Variants in RB1 observed in about 807,000 individuals in gnomAD.
RB1 encodes the protein RB transcriptional corepressor 1, also known as retinoblastoma-associated protein.
In RB1, 18 loss-of-function variants were observed where a neutral mutation model predicts 135.4. That is an observed-to-expected ratio of 0.13 (90% CI 0.09 to 0.20). The LOEUF is 0.20. Among genes scored for constraint, RB1 ranks in the 10% least tolerant of loss-of-function variants. RB1 has a pLI of 1.00. For missense variants in RB1, 868 were observed against 1,110.0 expected (o/e 0.78, Z 3.10); for synonymous variants, 365 against 373.2 (o/e 0.98, Z 0.25).
intron 17 of RB1, among the ~76,000 whole-genome samples, chr13:48,382,315 C>T (rs897895525): frequency 6.6e-6 from 1 of 152,196 alleles, no homozygotes; most frequent in African/African-American, 2.4e-5. Flanking sequence ...GTCCCACCAA[C>T]AGTGTAAAAG....
intron 17 of RB1, among the ~76,000 whole-genome samples, chr13:48,431,254 A>T (rs1949126917): frequency 6.6e-6 from 1 of 151,922 alleles, no homozygotes; most frequent in African/African-American, 2.4e-5. Context: ...TAATATTTGT[A>T]TTTTTTTTAA....
At chr13:48,452,461 C>T (rs1024170529) in intron 17 of RB1, among the ~76,000 whole-genome samples, 1 of 151,916 alleles carries the variant, frequency 6.6e-6, no homozygotes, top group Non-Finnish European at 1.5e-5. Context: ...ACTTGGTCTA[C>T]GTTTTCCAAT....
At chr13:48,373,980 T>C (rs1339786263) in intron 12 of RB1, among the ~76,000 whole-genome samples, 1 of 152,294 alleles carries the variant, frequency 6.6e-6, no homozygotes, top group East Asian at 1.9e-4. Context: ...TTTTTGCTAA[T>C]TAAGAAGTCT....
chr13:48,393,646 T>C (rs1948627113), intron 17 of RB1, among the ~76,000 whole-genome samples: 1 of 152,190 alleles, frequency 6.6e-6, no homozygotes, highest in Non-Finnish European at 1.5e-5. Context: ...TTACAGAATA[T>C]TTAGGGTATC....
intron 17 of RB1, among the ~76,000 whole-genome samples, chr13:48,396,119 C>T (rs1948646000): frequency 6.6e-6 from 1 of 152,122 alleles, no homozygotes; most frequent in African/African-American, 2.4e-5. Flanking sequence ...CTACCTTTGG[C>T]TTTCTTCACA....
chr13:48,448,528 A>G (rs1421951337), intron 17 of RB1, among the ~76,000 whole-genome samples: 1 of 152,206 alleles, frequency 6.6e-6, no homozygotes, highest in Non-Finnish European at 1.5e-5. Flanking sequence ...AAAAGGGCTG[A>G]AAATTGTTAA....
chr13:48,407,904 A>T (rs1948753956), intron 17 of RB1, among the ~76,000 whole-genome samples: 1 of 152,152 alleles, frequency 6.6e-6, no homozygotes, highest in African/African-American at 2.4e-5. Flanking sequence ...GGCACGAAAA[A>T]AGTTTAGGTG....
At chr13:48,421,012 C>T (rs1334432026) in intron 17 of RB1, among the ~76,000 whole-genome samples, 1 of 152,104 alleles carries the variant, frequency 6.6e-6, no homozygotes, top group Non-Finnish European at 1.5e-5. Context: ...CATTGACTTC[C>T]TTTATAAAAT....
At chr13:48,317,119 A>G in intron 2 of RB1, 1 of 903,930 alleles carries the variant, frequency 1.1e-6, no homozygotes, top group Non-Finnish European at 1.5e-6. Flanking sequence ...GGGCTTCCAA[A>G]GACAGGGCTG....
rs755704180 is a variant in RB1 at position 48,307,387 on chromosome 13, C to T, written c.245C>T (p.Ser82Leu). 1 of 1,613,408 alleles carries T rather than the reference C, an allele frequency of 6.2e-7. No homozygotes were observed. The highest frequency in any genetic ancestry group is 8.5e-7 in the Non-Finnish European group (1 of 1,179,588). ...ERAWLTWEKVSSVDGVLGGYI... is the reference protein window; with the variant it reads ...ERAWLTWEKVLSVDGVLGGYI... ...GCTTGGTTAACTTGGGAGAAAGTTTCATCTGTGGATGGAGTATTGGTAAGG... is the reference window on the plus strand; with the variant it reads ...GCTTGGTTAACTTGGGAGAAAGTTTTATCTGTGGATGGAGTATTGGTAAGG... The change falls in exon 2 of 27, where the codon TCA (serine) becomes TTA (leucine). Residue 82 changes from serine (S) to leucine (L), a missense_variant. By Grantham distance (145) the Ser-to-Leu change is moderately radical (BLOSUM62 -2). Transcript: ENST00000267163.
At position 48,303,882 on chromosome 13, in the gene RB1, A is replaced by G. The variant is rs951764462; in HGVS notation, c.-31A>G. On this transcript the variant is annotated 5_prime_UTR_variant, in exon 1 of 27. Coordinates refer to ENST00000267163, the MANE Select transcript of RB1 (RefSeq NM_000321.3). ...GTCGTCCTCCCCGGCGCTCCTCCAC[A>G]GCTCGCTGGCTCCCGCCGCGGAAAG... The G allele has an allele frequency of 6.6e-7, 1 of 1,513,340 alleles. No individual in the cohort carries two copies. Among genetic ancestry groups the G allele is most frequent in the African/African-American group, 1.4e-5 (1 of 69,498 alleles). The allele number at this position is 1,513,340 out of a possible 1,614,324, so 93.7% of individuals were successfully genotyped here. A position where few individuals can be genotyped will look rare whatever the true frequency, so the allele number is the denominator to read the frequency against.
At chr13:48,405,838 A>G (rs555085580) in intron 17 of RB1, among the ~76,000 whole-genome samples, 1 of 152,316 alleles carries the variant, frequency 6.6e-6, no homozygotes, top group Admixed American at 6.5e-5. Context: ...TATAAAAATA[A>G]GCAGGTATGC....
Position 48,303,777 on chromosome 13 carries a change from C to T in RB1, c.-136C>T, listed in dbSNP as rs2138026268. 5.2e-6 allele frequency: 7 copies of T among 1,339,026 alleles called. No individual in the cohort carries two copies. The highest frequency in any genetic ancestry group is 5.9e-6 in the Non-Finnish European group (6 of 1,010,328). 82.9% of individuals were successfully genotyped at this position (1,339,026 alleles called of 1,614,324 possible). A position where few individuals can be genotyped will look rare whatever the true frequency, so the allele number is the denominator to read the frequency against. On this transcript the variant is annotated 5_prime_UTR_variant, in exon 1 of 27. Coordinates refer to ENST00000267163, the MANE Select transcript of RB1 (RefSeq NM_000321.3). ...GTTGCCGGGCGGGGGAGGGCGCGTC[C>T]GGTTTTTCTCAGGGGACGTTGAAAT...
chr13:48,324,670 A>G (rs1952269741), intron 2 of RB1, among the ~76,000 whole-genome samples: 1 of 152,200 alleles, frequency 6.6e-6, no homozygotes, highest in African/African-American at 2.4e-5. Context: ...AGCATTCAAC[A>G]TGGGAATGCA....
chr13:48,396,034 G>A (rs1214599523), intron 17 of RB1, among the ~76,000 whole-genome samples: 1 of 152,186 alleles, frequency 6.6e-6, no homozygotes, highest in Non-Finnish European at 1.5e-5. Flanking sequence ...CATGCTCATG[G>A]ATGGGAAAAA....
chr13:48,472,888 C>T (rs1949480673), intron 23 of RB1, among the ~76,000 whole-genome samples: 1 of 152,088 alleles, frequency 6.6e-6, no homozygotes, highest in Admixed American at 6.5e-5. Flanking sequence ...TAAAGACAGA[C>T]TAATAAAGAT....
At chr13:48,335,923 AAG>A (rs565322600) in intron 2 of RB1, among the ~76,000 whole-genome samples, 168 of 152,150 alleles carry the variant, frequency 1.1e-3, no homozygotes, top group African/African-American at 4.0e-3. Context: ...CTGAGGAAAA[AAG>A]AGAATGGTGG....
At chr13:48,421,814 T>G (rs1949009820) in intron 17 of RB1, among the ~76,000 whole-genome samples, 1 of 152,182 alleles carries the variant, frequency 6.6e-6, no homozygotes, top group Non-Finnish European at 1.5e-5. Flanking sequence ...AAAACCACAA[T>G]GAGATACCAT....
intron 2 of RB1, among the ~76,000 whole-genome samples, chr13:48,313,139 A>G (rs1566176822): frequency 6.6e-6 from 1 of 152,132 alleles, no homozygotes; most frequent in Non-Finnish European, 1.5e-5. Flanking sequence ...TTCCATATGA[A>G]TATGATAGTA....
Sources: gnomAD v4.1 joint callset for allele counts (sites outside exome capture counted in the v4.1 genomes callset) on GRCh38, gnomAD v4.1.1 for gene constraint, MANE v1.5 for transcripts, NCBI Gene and HGNC (gene_info 2026-07-23, HGNC 2026-07-21) for gene names.